Variants in BCAS3 observed in about 807,000 individuals in gnomAD.
The protein encoded by BCAS3 is BCAS4/BCAS3 fusion.
A neutral mutation model predicts 116.1 loss-of-function variants in BCAS3; 53 were observed. That is an observed-to-expected ratio of 0.46 (90% confidence interval 0.37 to 0.57). BCAS3 has a LOEUF of 0.57. Ranked by LOEUF, BCAS3 falls within the 20% of genes least tolerant of loss-of-function variation. The pLI is 0.00. For synonymous variants in BCAS3, 391 were observed against 408.2 expected, an observed-to-expected ratio of 0.96 and a Z score of 0.51; for missense variants, 917 against 1,165.4, an observed-to-expected ratio of 0.79 and a Z score of 3.10.
intron 6 of BCAS3, among the ~76,000 whole-genome samples, chr17:60,755,224 G>A (rs979144009): frequency 3.9e-5 from 6 of 152,120 alleles, no homozygotes; most frequent in African/African-American, 9.7e-5. Flanking sequence ...TTATTAGGGC[G>A]TTTTTCTATA....
At chr17:60,762,619 A>C (rs1190231585) in intron 6 of BCAS3, among the ~76,000 whole-genome samples, 1 of 152,124 alleles carries the variant, frequency 6.6e-6, no homozygotes, top group African/African-American at 2.4e-5. Context: ...GTATAGTTTG[A>C]AGTCAGGTAG....
intron 22 of BCAS3, among the ~76,000 whole-genome samples, chr17:61,351,280 C>T (rs1278189193): frequency 1.3e-5 from 2 of 152,150 alleles, no homozygotes; most frequent in Non-Finnish European, 2.9e-5. Context: ...CTTCCCATTT[C>T]CAGTTTAGCT....
At chr17:61,148,482 T>C (rs2077366234) in intron 22 of BCAS3, among the ~76,000 whole-genome samples, 1 of 152,226 alleles carries the variant, frequency 6.6e-6, no homozygotes, top group Admixed American at 6.5e-5. Flanking sequence ...AGGTTGCTGC[T>C]GCCGTTTCAT....
chr17:61,306,285 C>T (rs1429519842), intron 22 of BCAS3, among the ~76,000 whole-genome samples: 4 of 152,180 alleles, frequency 2.6e-5, no homozygotes, highest in Non-Finnish European at 5.9e-5. Flanking sequence ...ATTTCTTCAT[C>T]AACACTTCGC....
At chr17:61,371,713 A>G (rs1416421136) in intron 23 of BCAS3, among the ~76,000 whole-genome samples, 1 of 152,204 alleles carries the variant, frequency 6.6e-6, no homozygotes, top group African/African-American at 2.4e-5. Context: ...TGTCAATTAA[A>G]AAATATATAT....
chr17:61,167,165 CTTAG>C (rs1244879520), intron 22 of BCAS3, among the ~76,000 whole-genome samples: 1 of 152,004 alleles, frequency 6.6e-6, no homozygotes, highest in Non-Finnish European at 1.5e-5. Context: ...TTCAAGGAGC[CTTAG>C]TTAGGAAAGA....
At chr17:60,910,770 C>CA (rs925078680) in intron 12 of BCAS3, 68 bp downstream of exon 12, 1 of 1,373,484 alleles carries the variant, frequency 7.3e-7, no homozygotes, top group African/African-American at 1.5e-5. Flanking sequence ...CAAGATTAGT[C>CA]AAAATGTATT....
rs2063739100 is a variant in BCAS3, at chr17:60,994,871, G to A, written c.1486+4636G>A. On this transcript the variant is annotated intron_variant, in intron 15 of 23. Coordinates refer to ENST00000407086, the MANE Select transcript of BCAS3 (RefSeq NM_017679.5). The surrounding 1 kb of genome is among the most constrained non-coding windows in gnomAD (Gnocchi z 4.4). The stretch of plus-strand genomic sequence containing the variant: ...GCATACTTTTATCATATTATAATAT[G>A]CAGGTTATTCATTGACATGTCTGGG... Among the ~76,000 whole-genome samples the A allele has an allele frequency of 6.6e-6, 1 of 152,168 alleles. No individual in the cohort carries two copies. Among genetic ancestry groups the A allele is most frequent in the Non-Finnish European group, 1.5e-5 (1 of 68,032 alleles).
intron 10 of BCAS3, among the ~76,000 whole-genome samples, chr17:60,896,062 A>G (rs1029212139): frequency 2.6e-5 from 4 of 152,254 alleles, no homozygotes; most frequent in African/African-American, 7.2e-5. Flanking sequence ...ACGGTTGCAC[A>G]TGCCTGTAAT....
intron 11 of BCAS3, among the ~76,000 whole-genome samples, chr17:60,909,300 T>C (rs2058360549): frequency 6.6e-6 from 1 of 152,224 alleles, no homozygotes; most frequent in African/African-American, 2.4e-5. Flanking sequence ...TAGACCTCTA[T>C]ACACAACTGT....
chr17:61,000,588 A>G (rs1255654234), intron 15 of BCAS3, among the ~76,000 whole-genome samples: 2 of 152,158 alleles, frequency 1.3e-5, no homozygotes, highest in African/African-American at 4.8e-5. Context: ...TATCATTAGT[A>G]TCATTATTGA....
intron 22 of BCAS3, chr17:61,086,999 C>G (rs756878693): frequency 1.4e-5 from 14 of 985,124 alleles, no homozygotes; most frequent in Non-Finnish European, 1.7e-5. Context: ...AACATCTAGG[C>G]TAACAAAAAT....
chr17:61,234,799 A>T (rs983822017), intron 22 of BCAS3, among the ~76,000 whole-genome samples: 1 of 152,112 alleles, frequency 6.6e-6, no homozygotes, highest in Admixed American at 6.5e-5. Flanking sequence ...AAAAAAAAAA[A>T]AAAAATCATA....
At chr17:60,744,795 G>A (rs139145405) in intron 5 of BCAS3, among the ~76,000 whole-genome samples, 2 of 151,552 alleles carry the variant, frequency 1.3e-5, no homozygotes, top group Admixed American at 1.3e-4. Context: ...TTTAAAATCA[G>A]TCCAAATGTT....
rs1300806035 is a variant in BCAS3 at position 61,084,903 on chromosome 17, C to T, written c.2425+339C>T. Among the ~76,000 whole-genome samples the T allele has an allele frequency of 6.6e-6, 1 of 152,164 alleles. No individual in the cohort carries two copies. The highest frequency in any genetic ancestry group is 1.5e-5 in the Non-Finnish European group (1 of 68,036). On this transcript the variant is annotated intron_variant, in intron 22 of 23. Transcript: ENST00000407086. The surrounding 1 kb of genome is among the most constrained non-coding windows in gnomAD (Gnocchi z 5.5). ...AGAACGTAAATACAATCTATGGATT[C>T]AATTTACTCAACCTGTTGAGTATCA...
In BCAS3 at chr17:61,343,830, C is replaced by T. The variant is rs535864630; in HGVS notation, c.2426-24497C>T. On this transcript the variant is annotated intron_variant, in intron 22 of 23. Coordinates refer to ENST00000407086, the MANE Select transcript of BCAS3 (RefSeq NM_017679.5). This position sits in a 1 kb window ranked among gnomAD's most constrained non-coding sequence, Gnocchi z 5.5. ...AGAGAGAGAAGCAAATCTGTGTCAG[C>T]GTTCTTTGCTCAGTTCTGCTCTGCA... Among the ~76,000 whole-genome samples the T allele has an allele frequency of 1.2e-4, 18 of 152,340 alleles. No individual in the cohort carries two copies. The highest frequency in any genetic ancestry group is 3.6e-4 in the African/African-American group (15 of 41,578).
rs936204797 is a variant in BCAS3 at position 61,196,585 on chromosome 17, C to G, written c.2425+112021C>G. Among the ~76,000 whole-genome samples, 3 of 152,184 alleles carry G rather than the reference C, an allele frequency of 2.0e-5. No individual in the cohort carries two copies. Among genetic ancestry groups the G allele is most frequent in the Admixed American group, 2.0e-4 (3 of 15,272 alleles). Reference sequence around the variant, plus strand: ...TCCCCTTCCAGATGGGGAGGTTAGACTGGGGCTAGCCAGACTGCTCCACAT... The same window carrying G: ...TCCCCTTCCAGATGGGGAGGTTAGAGTGGGGCTAGCCAGACTGCTCCACAT... On this transcript the variant is annotated intron_variant, in intron 22 of 23. Coordinates refer to ENST00000407086, the MANE Select transcript of BCAS3 (RefSeq NM_017679.5). The surrounding 1 kb of genome is among the most constrained non-coding windows in gnomAD (Gnocchi z 4.7).
chr17:61,314,209 G>A (rs972549412), intron 22 of BCAS3, among the ~76,000 whole-genome samples: 16 of 152,120 alleles, frequency 1.1e-4, no homozygotes, highest in Non-Finnish European at 2.2e-4. Flanking sequence ...TGTAATGTCC[G>A]CATTCTCTTC....
intron 22 of BCAS3, among the ~76,000 whole-genome samples, chr17:61,218,622 C>T (rs957861781): frequency 6.6e-6 from 1 of 152,180 alleles, no homozygotes; most frequent in Non-Finnish European, 1.5e-5. Context: ...TTTAGGCAAG[C>T]AAGACATCCA....
Sources: gnomAD v4.1 joint callset for allele counts (sites outside exome capture counted in the v4.1 genomes callset) on GRCh38, gnomAD v4.1.1 for gene constraint, Gnocchi (gnomAD v3.1) non-coding constraint, MANE v1.5 for transcripts, NCBI Gene and HGNC (gene_info 2026-07-23, HGNC 2026-07-21) for gene names.